ANXA4: variants seen among roughly 807,000 people sequenced by gnomAD.
ANXA4 encodes the protein 35-beta calcimedin.
Under a neutral mutation model 49.8 loss-of-function variants are expected in ANXA4, and 39 were observed. The observed-to-expected ratio is 0.78, with a 90% CI of 0.61 to 1.02. The LOEUF is 1.02. Among genes scored for constraint, ANXA4 ranks in the 50% least tolerant of loss-of-function variants. ANXA4 has a pLI of 0.00. For synonymous variants in ANXA4, 134 were observed against 152.5 expected, an observed-to-expected ratio of 0.88 and a Z score of 0.89; for missense variants, 360 against 410.1, an observed-to-expected ratio of 0.88 and a Z score of 1.05.
intron 1 of ANXA4, among the ~76,000 whole-genome samples, chr2:69,760,595 T>C (rs1235075215): frequency 6.6e-6 from 1 of 152,238 alleles, no homozygotes; most frequent in Non-Finnish European, 1.5e-5. Context: ...GACTCTTCTT[T>C]TAAGTATTCT....
chr2:69,739,172 C>T (rs1670318592), upstream of ANXA4, among the ~76,000 whole-genome samples: 1 of 152,158 alleles, frequency 6.6e-6, no homozygotes, highest in South Asian at 2.1e-4. Context: ...TTTAGTCTCA[C>T]CTACACACCC....
rs10496171 is a variant in ANXA4 at position 69,788,049 on chromosome 2, C to T, written c.10-5C>T. On this transcript the variant is annotated splice_polypyrimidine_tract_variant and splice_region_variant and intron_variant, in intron 2 of 12. Transcript: ENST00000394295. ...CTCAGTAACATCACTCTCTTGTGTG[C>T]TCAGGCAACCAAAGGAGGTACTGTC... 0.24 allele frequency: 390,002 copies of T among 1,610,502 alleles called. 48,315 individuals are homozygous for T. Among genetic ancestry groups the T allele is most frequent in the East Asian group, 0.31 (14,082 of 44,820 alleles).
chr2:69,748,558 A>T (rs1027484004), intron 1 of ANXA4, among the ~76,000 whole-genome samples: 4 of 151,028 alleles, frequency 2.6e-5, no homozygotes, highest in Non-Finnish European at 5.9e-5. Context: ...AACTTGCATT[A>T]TTAATTTTAC....
At chr2:69,721,526 C>T (rs1339052470) in intron 3 of ANXA4, among the ~76,000 whole-genome samples, 1 of 152,034 alleles carries the variant, frequency 6.6e-6, no homozygotes, top group East Asian at 1.9e-4. Context: ...TGGCAAGACC[C>T]TGTCTCTACA....
intron 1 of ANXA4, among the ~76,000 whole-genome samples, chr2:69,770,772 C>CAAAATTATAAAT (rs1318877196): frequency 2.0e-5 from 3 of 151,874 alleles, no homozygotes; most frequent in Admixed American, 1.3e-4. Flanking sequence ...TGCAGACACA[C>CAAAATTATAAAT]ACATATTGCT....
Position 69,774,139 on chromosome 2 carries a change from A to G in ANXA4, c.-46-7381A>G, listed in dbSNP as rs115099993. Among the ~76,000 whole-genome samples, 715 of 152,084 alleles carry G rather than the reference A, an allele frequency of 4.7e-3. 3 individuals are homozygous for G. Among genetic ancestry groups the G allele is most frequent in the African/African-American group, 0.016 (665 of 41,502 alleles). On this transcript the variant is annotated intron_variant, in intron 1 of 12. Coordinates refer to ENST00000394295, the MANE Select transcript of ANXA4 (RefSeq NM_001153.5). The stretch of plus-strand genomic sequence containing the variant: ...CACCCTGCCCTATGTGTTAATAACC[A>G]TTTAAAAATTTCCACCCTGCTAAGA...
intron 2 of ANXA4, among the ~76,000 whole-genome samples, chr2:69,687,991 G>T (rs141864772): frequency 2.6e-5 from 4 of 152,200 alleles, no homozygotes; most frequent in African/African-American, 9.6e-5. Flanking sequence ...AATTAATATT[G>T]ATTCTCTAAT....
chr2:69,760,452 T>C (rs1056017837), intron 1 of ANXA4, among the ~76,000 whole-genome samples: 6 of 152,204 alleles, frequency 3.9e-5, no homozygotes, highest in Non-Finnish European at 1.5e-5. Context: ...TCTCAAAGGA[T>C]TTATTGATGT....
chr2:69,656,799 C>T (rs1676518129), intron 2 of ANXA4, among the ~76,000 whole-genome samples: 1 of 151,910 alleles, frequency 6.6e-6, no homozygotes, highest in Non-Finnish European at 1.5e-5. Flanking sequence ...ATCTGCCTGC[C>T]TCAGTCTCCT....
chr2:69,689,413 G>A (rs1457218226), intron 2 of ANXA4, among the ~76,000 whole-genome samples: 3 of 151,928 alleles, frequency 2.0e-5, no homozygotes, highest in Admixed American at 6.6e-5. Flanking sequence ...ACAAGACTAC[G>A]AGATGTTTTT....
intron 2 of ANXA4, among the ~76,000 whole-genome samples, chr2:69,669,830 G>A (rs1677094701): frequency 6.6e-6 from 1 of 152,082 alleles, no homozygotes; most frequent in Non-Finnish European, 1.5e-5. Flanking sequence ...TAGTTATCAG[G>A]AGCAGGCACA....
At chr2:69,786,187 G>C (rs538090637) in intron 2 of ANXA4, among the ~76,000 whole-genome samples, 1 of 152,182 alleles carries the variant, frequency 6.6e-6, no homozygotes, top group East Asian at 1.9e-4. Flanking sequence ...TCTCCATCTG[G>C]GTAAATGATA....
intron 1 of ANXA4, among the ~76,000 whole-genome samples, chr2:69,774,748 A>C (rs541517325): frequency 1.3e-4 from 20 of 152,286 alleles, no homozygotes; most frequent in African/African-American, 4.8e-4. Flanking sequence ...TTTGCATATG[A>C]AGCACATCAG....
intron 2 of ANXA4, among the ~76,000 whole-genome samples, chr2:69,657,120 G>A (rs999810607): frequency 2.0e-5 from 3 of 150,834 alleles, no homozygotes; most frequent in South Asian, 4.2e-4. Context: ...TCAGCCTCCC[G>A]AGTAGCTGGC....
chr2:69,719,653 G>T (rs1669765386), intron 2 of ANXA4, among the ~76,000 whole-genome samples: 1 of 151,766 alleles, frequency 6.6e-6, no homozygotes, highest in Non-Finnish European at 1.5e-5. Flanking sequence ...TGGCTGGGCT[G>T]GTCTCGAACT....
intron 2 of ANXA4, among the ~76,000 whole-genome samples, chr2:69,656,377 GTGTATATATATGTGTATA>G (rs1676486257): frequency 3.0e-5 from 3 of 100,160 alleles, no homozygotes; most frequent in African/African-American, 1.4e-4. Context: ...GTGTATATAT[GTGTATATATATGTGTATA>G]TATATGTATA....
At chr2:69,670,205 C>T (rs888643579) in intron 2 of ANXA4, among the ~76,000 whole-genome samples, 2 of 151,910 alleles carry the variant, frequency 1.3e-5, no homozygotes, top group Non-Finnish European at 1.5e-5. Context: ...TTTGGGAAGT[C>T]GAAGCAGGTG....
chr2:69,754,544 G>T (rs1391416799), intron 1 of ANXA4, among the ~76,000 whole-genome samples: 1 of 152,252 alleles, frequency 6.6e-6, no homozygotes, highest in Middle Eastern at 3.4e-3. Flanking sequence ...ACAGGCACAA[G>T]CTACCATGCA....
chr2:69,681,295 G>C (rs149475953), intron 2 of ANXA4, among the ~76,000 whole-genome samples: 5 of 150,914 alleles, frequency 3.3e-5, no homozygotes, highest in Non-Finnish European at 5.9e-5. Context: ...GTGTATAGTT[G>C]TTCATAACAG....
Sources: allele counts gnomAD v4.1 joint callset (sites outside exome capture counted in the v4.1 genomes callset), GRCh38; gene constraint gnomAD v4.1.1; transcripts MANE v1.5; gene names NCBI Gene and HGNC (gene_info 2026-07-23, HGNC 2026-07-21).